CDH18: variants seen among roughly 807,000 people sequenced by gnomAD.
The protein encoded by CDH18 is cadherin 18, also known as cadherin-18.
A neutral mutation model predicts 67.9 loss-of-function variants in CDH18; 31 were observed. The ratio of observed to expected loss-of-function variants is 0.46; its 90% CI spans 0.34 to 0.62. CDH18 has a LOEUF of 0.62. CDH18 is among the 20% of genes least tolerant of loss of function. The pLI, the probability that CDH18 is intolerant of heterozygous loss-of-function variation, is 0.01. For synonymous variants in CDH18, 362 were observed against 347.2 expected (o/e 1.04, Z -0.48); for missense variants, 890 against 975.5 (o/e 0.91, Z 1.17).
At chr5:20,102,821 GA>G (rs905511148) in intron 2 of CDH18, among the ~76,000 whole-genome samples, 89 of 150,262 alleles carry the variant, frequency 5.9e-4, no homozygotes, top group African/African-American at 1.6e-3. Context: ...TAATTTAGCT[GA>G]AAAAAAAATA....
Position 20,441,057 on chromosome 5 carries a change from C to G in CDH18, c.-580+134405G>C, listed in dbSNP as rs575184172. Among the ~76,000 whole-genome samples the G allele has an allele frequency of 1.4e-4, 22 of 151,882 alleles. No individual in the cohort carries two copies. In the South Asian group the frequency reaches 4.6e-3, roughly 32 times the overall value. ...GGGCCTATCATAAGATTTCACCATG[C>G]CGAGCTTATGAGTCTGGATAATGGG... On this transcript the variant is annotated intron_variant, in intron 1 of 14. Coordinates refer to the CDH18 transcript ENST00000507958.
At chr5:20,251,380 T>C (rs1391949714) in intron 2 of CDH18, among the ~76,000 whole-genome samples, 1 of 152,320 alleles carries the variant, frequency 6.6e-6, no homozygotes, top group East Asian at 1.9e-4. Flanking sequence ...GATAAAATTA[T>C]GCTTATCTGT....
At chr5:20,155,076 A>G (rs1196635569) in intron 2 of CDH18, among the ~76,000 whole-genome samples, 6 of 152,142 alleles carry the variant, frequency 3.9e-5, no homozygotes, top group African/African-American at 1.2e-4. Context: ...AAAAAATTTT[A>G]CTTACTTTCT....
intron 1 of CDH18, chr5:20,305,237 A>C: frequency 1.5e-6 from 2 of 1,377,774 alleles, no homozygotes; most frequent in Non-Finnish European, 2.1e-6. Context: ...AATCCAGGAA[A>C]CCGTCCTCCT....
At chr5:20,121,569 C>A (rs550207955) in intron 2 of CDH18, among the ~76,000 whole-genome samples, 107 of 152,256 alleles carry the variant, frequency 7.0e-4, no homozygotes, top group Non-Finnish European at 1.3e-3. Flanking sequence ...GTGCAAGACA[C>A]AACCAGATGG....
intron 2 of CDH18, among the ~76,000 whole-genome samples, chr5:19,854,274 TG>T (rs1784026541): frequency 6.6e-6 from 1 of 152,138 alleles, no homozygotes; most frequent in Non-Finnish European, 1.5e-5. Context: ...TTGGCAAGAC[TG>T]TGACCAGAGG....
chr5:19,568,265 A>G (rs1740777822), intron 8 of CDH18, among the ~76,000 whole-genome samples: 1 of 152,134 alleles, frequency 6.6e-6, no homozygotes, highest in African/African-American at 2.4e-5. Flanking sequence ...CGTATAGTAA[A>G]CAGTAATCCA....
intron 2 of CDH18, among the ~76,000 whole-genome samples, chr5:19,969,036 C>G (rs1363532676): frequency 7.3e-6 from 1 of 137,042 alleles, no homozygotes; most frequent in Non-Finnish European, 1.5e-5. Flanking sequence ...GGGCAAAGGA[C>G]ATGAACAGAC....
At chr5:20,226,059 G>A (rs895266264) in intron 2 of CDH18, among the ~76,000 whole-genome samples, 3 of 151,990 alleles carry the variant, frequency 2.0e-5, no homozygotes, top group African/African-American at 7.2e-5. Flanking sequence ...CTATTCTAAC[G>A]CATATGTTAG....
At chr5:20,041,885 A>C (rs1287962441) in intron 2 of CDH18, among the ~76,000 whole-genome samples, 1 of 152,260 alleles carries the variant, frequency 6.6e-6, no homozygotes, top group East Asian at 1.9e-4. Flanking sequence ...ACTTGGTAAC[A>C]GATCATTTGT....
chr5:19,802,776 G>C (rs896722822), intron 3 of CDH18, among the ~76,000 whole-genome samples: 2 of 152,132 alleles, frequency 1.3e-5, no homozygotes, highest in African/African-American at 4.8e-5. Flanking sequence ...CTCTTGTCTG[G>C]AGCTTTGAAA....
At chr5:20,392,701 AT>A (rs973686261) in intron 1 of CDH18, among the ~76,000 whole-genome samples, 9 of 151,886 alleles carry the variant, frequency 5.9e-5, no homozygotes, top group African/African-American at 1.9e-4. Flanking sequence ...TACTACCTAT[AT>A]TTCTTTTTAG....
Position 19,998,374 on chromosome 5 carries a change from A to T in CDH18, c.-517-6360T>A, listed in dbSNP as rs182264728. Among the ~76,000 whole-genome samples, 333 of 152,278 alleles carry T rather than the reference A, an allele frequency of 2.2e-3. 1 individual carries two copies. Among genetic ancestry groups the T allele is most frequent in the African/African-American group, 7.6e-3 (315 of 41,564 alleles). On this transcript the variant is annotated intron_variant, in intron 2 of 14. Coordinates refer to the CDH18 transcript ENST00000507958. ...TGGATGGGTGTGATGAGCAAGGGAC[A>T]ATTCCAGGCTGTTCTCATTAATCTG...
chr5:19,474,218 A>G (rs2126501010), intron 12 of CDH18, among the ~76,000 whole-genome samples: 1 of 152,262 alleles, frequency 6.6e-6, no homozygotes, highest in South Asian at 2.1e-4. Context: ...GTAGAAAATC[A>G]AAGCAGAAAT....
intron 2 of CDH18, among the ~76,000 whole-genome samples, chr5:20,132,183 C>T (rs1454116354): frequency 6.6e-6 from 1 of 152,162 alleles, no homozygotes; most frequent in African/African-American, 2.4e-5. Context: ...GCCACCACAC[C>T]TGGCCAACAA....
chr5:20,423,946 C>CAAAAA (rs553723574), intron 1 of CDH18, among the ~76,000 whole-genome samples: 15 of 63,818 alleles, frequency 2.4e-4, no homozygotes, highest in African/African-American at 9.8e-4. Context: ...GACTCCGTCT[C>CAAAAA]AAAAAAAAAA....
At chr5:20,563,049 A>T (rs1176233029) in intron 1 of CDH18, among the ~76,000 whole-genome samples, 1 of 151,548 alleles carries the variant, frequency 6.6e-6, no homozygotes, top group Admixed American at 6.6e-5. Context: ...TCCATAACAC[A>T]TGAAAAACTT....
At chr5:20,279,569 G>T (rs1364071353) in intron 1 of CDH18, among the ~76,000 whole-genome samples, 16 of 151,366 alleles carry the variant, frequency 1.1e-4, no homozygotes, top group Admixed American at 1.1e-3. Context: ...CATGGTGGTG[G>T]TCACCTGTAA....
intron 6 of CDH18, among the ~76,000 whole-genome samples, chr5:19,612,146 C>A (rs1247193093): frequency 6.6e-6 from 1 of 152,146 alleles, no homozygotes; most frequent in African/African-American, 2.4e-5. Flanking sequence ...TATACAGATA[C>A]TTCGCCAAAG....
Sources: gnomAD v4.1 joint callset for allele counts (sites outside exome capture counted in the v4.1 genomes callset) on GRCh38, gnomAD v4.1.1 for gene constraint, MANE v1.5 for transcripts, NCBI Gene and HGNC (gene_info 2026-07-23, HGNC 2026-07-21) for gene names.